Variants in APP observed in about 807,000 individuals in gnomAD.
APP encodes the protein amyloid-beta precursor protein.
APP carries 31 observed loss-of-function variants against 101.4 expected under a neutral mutation model. The ratio of observed to expected loss-of-function variants is 0.31; its 90% CI spans 0.23 to 0.41. APP has a LOEUF of 0.41. Among genes scored for constraint, APP ranks in the 10% least tolerant of loss-of-function variants. The pLI is 1.00. For missense variants in APP, 839 were observed against 1,003.7 expected (o/e 0.84, Z 2.22); for synonymous variants, 366 against 364.4 (o/e 1.00, Z -0.05).
intron 5 of APP, among the ~76,000 whole-genome samples, chr21:26,043,837 A>T (rs1568900947): frequency 6.6e-6 from 1 of 152,232 alleles, no homozygotes; most frequent in South Asian, 2.1e-4. Flanking sequence ...GTGGGCTGAT[A>T]TTCTCACTTT....
At chr21:25,897,487 T>G (rs1448902762) in intron 16 of APP, 86 bp downstream of exon 16, 5 of 1,043,064 alleles carry the variant, frequency 4.8e-6, no homozygotes, top group Non-Finnish European at 7.6e-6. Flanking sequence ...TTTCCTTAAT[T>G]TGATTTCTAG....
At position 25,975,940 on chromosome 21, in the gene APP, G is replaced by A. The variant is rs754458724; in HGVS notation, c.1299+14C>T. 2 of 1,609,610 alleles carry A rather than the reference G, an allele frequency of 1.2e-6. No homozygotes were observed. The highest frequency in any genetic ancestry group is 1.7e-5 in the Admixed American group (1 of 60,006). On this transcript the variant is annotated intron_variant, in intron 10 of 17. Transcript: ENST00000346798. Reference sequence around the variant, plus strand: ...GGCATGTGATGTTTGGTAGGAAATGGGTTCAGGTTTTACCTGGATAACTGC... The same window carrying A: ...GGCATGTGATGTTTGGTAGGAAATGAGTTCAGGTTTTACCTGGATAACTGC...
At chr21:25,997,640 C>T (rs533955390) in intron 7 of APP, among the ~76,000 whole-genome samples, 5 of 152,204 alleles carry the variant, frequency 3.3e-5, no homozygotes, top group East Asian at 3.9e-4. Context: ...ATAGTATATC[C>T]GAGTAACAAC....
At chr21:25,915,801 ACC>A (rs1285818195) in intron 13 of APP, among the ~76,000 whole-genome samples, 1 of 152,170 alleles carries the variant, frequency 6.6e-6, no homozygotes, top group Non-Finnish European at 1.5e-5. Context: ...ACGCTGTAGT[ACC>A]CTTTTCTCTT....
intron 6 of APP, among the ~76,000 whole-genome samples, chr21:26,017,211 A>AAAAG (rs991881707): frequency 5.3e-5 from 8 of 149,644 alleles, no homozygotes; most frequent in Non-Finnish European, 7.4e-5. Context: ...AAAAAAAAAA[A>AAAAG]AAAAAAATTC....
At chr21:26,106,894 C>T (rs2062194658) in intron 2 of APP, among the ~76,000 whole-genome samples, 1 of 152,208 alleles carries the variant, frequency 6.6e-6, no homozygotes, top group Non-Finnish European at 1.5e-5. Context: ...TCTCCCCATG[C>T]TATTCCACAG....
chr21:26,041,938 A>G (rs138491001), intron 5 of APP, among the ~76,000 whole-genome samples: 318 of 892 alleles, frequency 0.36, 2 homozygotes, highest in African/African-American at 0.46. Flanking sequence ...GAGTTCTCCT[A>G]TTTCAGTATA....
At chr21:26,087,682 T>C (rs1044493438) in intron 3 of APP, among the ~76,000 whole-genome samples, 1 of 152,218 alleles carries the variant, frequency 6.6e-6, no homozygotes, top group East Asian at 1.9e-4. Flanking sequence ...GCTGGGTAAT[T>C]ATCTGTCAGT....
chr21:26,107,801 A>G (rs1210564165), intron 2 of APP, among the ~76,000 whole-genome samples: 1 of 152,214 alleles, frequency 6.6e-6, no homozygotes, highest in Non-Finnish European at 1.5e-5. Flanking sequence ...TGCTAAAATT[A>G]TGATTTTACA....
At chr21:26,040,736 G>A (rs1343129060) in intron 5 of APP, among the ~76,000 whole-genome samples, 2 of 151,362 alleles carry the variant, frequency 1.3e-5, no homozygotes, top group East Asian at 1.9e-4. Flanking sequence ...ACTGCAGCCT[G>A]GGTGACAGAG....
intron 5 of APP, among the ~76,000 whole-genome samples, chr21:26,028,929 T>A (rs963759087): frequency 1.1e-4 from 17 of 152,124 alleles, no homozygotes; most frequent in African/African-American, 3.9e-4. Flanking sequence ...TGGGTAGCAT[T>A]TCAAACAGGG....
At chr21:25,931,739 G>C (rs1384715038) in intron 13 of APP, among the ~76,000 whole-genome samples, 1 of 152,170 alleles carries the variant, frequency 6.6e-6, no homozygotes, top group East Asian at 1.9e-4. Flanking sequence ...TCTAATTCTT[G>C]ACCTGAGTTT....
At chr21:25,972,000 T>G (rs1215371107) in intron 11 of APP, among the ~76,000 whole-genome samples, 1 of 152,206 alleles carries the variant, frequency 6.6e-6, no homozygotes. Flanking sequence ...AATAAAAAAT[T>G]ATGAGGCATA....
At chr21:26,123,745 G>A (rs796375865) in intron 1 of APP, among the ~76,000 whole-genome samples, 4 of 152,254 alleles carry the variant, frequency 2.6e-5, no homozygotes, top group African/African-American at 9.6e-5. Flanking sequence ...AAGAACAGAA[G>A]ACCAAGAGCC....
intron 5 of APP, among the ~76,000 whole-genome samples, chr21:26,024,801 C>T (rs1248936293): frequency 6.6e-6 from 1 of 152,072 alleles, no homozygotes; most frequent in Non-Finnish European, 1.5e-5. Flanking sequence ...TGTGTATGAC[C>T]CCCAAGTGGA....
intron 15 of APP, among the ~76,000 whole-genome samples, chr21:25,903,291 C>G (rs1305163377): frequency 1.3e-5 from 2 of 151,114 alleles, no homozygotes; most frequent in Non-Finnish European, 2.9e-5. Context: ...ATTGCTTGAA[C>G]CCCCGAGGCA....
chr21:25,947,190 T>C (rs1460195028), intron 13 of APP, among the ~76,000 whole-genome samples: 4 of 152,334 alleles, frequency 2.6e-5, no homozygotes, highest in Middle Eastern at 3.4e-3. Context: ...GGATGACATA[T>C]GCACTATATT....
chr21:25,890,265 C>T (rs760227467), intron 17 of APP, among the ~76,000 whole-genome samples: 6 of 152,210 alleles, frequency 3.9e-5, no homozygotes, highest in Admixed American at 6.5e-5. Context: ...CCATCAGCAG[C>T]TTCTGTTGTA....
chr21:25,939,154 C>T (rs1195496330), intron 13 of APP, among the ~76,000 whole-genome samples: 1 of 152,160 alleles, frequency 6.6e-6, no homozygotes, highest in Non-Finnish European at 1.5e-5. Flanking sequence ...GATTCTGAAT[C>T]TGAAAACCAG....
Sources: allele counts gnomAD v4.1 joint callset (sites outside exome capture counted in the v4.1 genomes callset), GRCh38; gene constraint gnomAD v4.1.1; transcripts MANE v1.5; gene names NCBI Gene and HGNC (gene_info 2026-07-23, HGNC 2026-07-21).